Variants in MFSD1 observed in about 807,000 individuals in gnomAD.
MFSD1 encodes lysosomal dipeptide transporter MFSD1.
Under a neutral mutation model 67.1 loss-of-function variants are expected in MFSD1, and 59 were observed. The observed-to-expected ratio is 0.88, with a 90% CI of 0.71 to 1.09. The LOEUF (loss-of-function observed/expected upper bound fraction) is 1.09. MFSD1 is among the 50% of genes least tolerant of loss of function. MFSD1 has a pLI of 0.00. For missense variants in MFSD1, 552 were observed against 566.1 expected (o/e 0.97, Z 0.25); for synonymous variants, 213 against 200.3 (o/e 1.06, Z -0.54).
At position 158,821,635 on chromosome 3, in the gene MFSD1, C is replaced by A. The variant is rs1243284462; in HGVS notation, c.902C>A (p.Ala301Glu). ...FTEKFGFSSQ[A>E]ASAINSVVYV... ...GAGAAATTTGGATTTTCTTCCCAGG[C>A]AGCAAGTGCAATTAACAGGTATTTT... is the stretch of plus-strand genomic sequence containing the variant. Residue 301 changes from alanine (A) to glutamate (E), a missense_variant, in exon 10 of 16, where the codon GCA becomes GAA. Ala to Glu is a moderately radical substitution (Grantham distance 107, BLOSUM62 -1). Transcript: ENST00000415822. 1.9e-6 allele frequency: 3 copies of A among 1,609,614 alleles called. No individual in the cohort carries two copies. Among genetic ancestry groups the A allele is most frequent in the East Asian group, 4.5e-5 (2 of 44,782 alleles).
At position 158,815,581 on chromosome 3, in the gene MFSD1, A is replaced by G. The variant is rs1730281758; in HGVS notation, c.652+1514A>G. ...GAAAAGGTACCATAATTACCAAAATACAGATATTATTTATATCATTTTCTG... is the reference window on the plus strand; with the variant it reads ...GAAAAGGTACCATAATTACCAAAATGCAGATATTATTTATATCATTTTCTG... On this transcript the variant is annotated intron_variant, in intron 7 of 15. Transcript: ENST00000415822. Among the ~76,000 whole-genome samples, 16 of 151,936 alleles carry G rather than the reference A, an allele frequency of 1.1e-4. 1 individual carries two copies. Among genetic ancestry groups the G allele is most frequent in the Admixed American group, 1.0e-3 (16 of 15,250 alleles).
chr3:158,827,037 A>G (rs1212103810), intron 14 of MFSD1, among the ~76,000 whole-genome samples: 2 of 152,232 alleles, frequency 1.3e-5, no homozygotes, highest in Admixed American at 1.3e-4. Flanking sequence ...GAAGCAATAC[A>G]TAAGTCCAAA....
intron 2 of MFSD1, 110 bp from the exon 3 acceptor site, chr3:158,805,252 T>C: frequency 1.1e-6 from 1 of 895,530 alleles, no homozygotes; most frequent in Non-Finnish European, 1.9e-6. Flanking sequence ...ACTTGCCCTT[T>C]ACAGAAAGAA....
At chr3:158,827,928 G>GAT in intron 15 of MFSD1, among the ~76,000 whole-genome samples, 1 of 79,302 alleles carries the variant, frequency 1.3e-5, no homozygotes, top group African/African-American at 7.5e-5. Context: ...GAGAGAGAGA[G>GAT]AGAGAGAGAG....
intron 7 of MFSD1, among the ~76,000 whole-genome samples, chr3:158,814,795 T>C (rs893791666): frequency 2.0e-5 from 3 of 152,108 alleles, no homozygotes; most frequent in Non-Finnish European, 4.4e-5. Context: ...ATTAAAAGTT[T>C]ATAGCAGCCG....
intron 6 of MFSD1, among the ~76,000 whole-genome samples, chr3:158,813,327 T>C (rs543624187): frequency 3.7e-4 from 57 of 152,190 alleles, no homozygotes; most frequent in African/African-American, 1.2e-3. Context: ...TTTGTATTTT[T>C]AGTAGAGACA....
At chr3:158,819,613 A>G in intron 7 of MFSD1, 36 bp from the exon 8 acceptor site, 2 of 1,240,008 alleles carry the variant, frequency 1.6e-6, no homozygotes, top group Non-Finnish European at 2.2e-6. Flanking sequence ...TTCTCTTTTC[A>G]AAGTCTGTTT....
At position 158,813,136 on chromosome 3, in the gene MFSD1, AT is replaced by A. The variant is rs528582959; in HGVS notation, c.550-824del. On this transcript the variant is annotated intron_variant, in intron 6 of 15. Transcript: ENST00000415822. Reference sequence around the variant, plus strand: ...TTTTTTTAACCAAAGTAAGTTGGATATTTTTATGCTTTCTTCTTTTTTTTTT... The same window carrying A: ...TTTTTTTAACCAAAGTAAGTTGGATATTTTATGCTTTCTTCTTTTTTTTTT... Among the ~76,000 whole-genome samples the A allele has an allele frequency of 1.4e-3, 203 of 144,586 alleles. 1 individual carries two copies. Among genetic ancestry groups the A allele is most frequent in the African/African-American group, 5.1e-3 (199 of 39,064 alleles). 94.9% of individuals were successfully genotyped at this position (144,586 alleles called of 152,430 possible).
chr3:158,803,351 CT>C (rs35288273), intron 1 of MFSD1, among the ~76,000 whole-genome samples: 1 of 152,012 alleles, frequency 6.6e-6, no homozygotes, highest in South Asian at 2.1e-4. Context: ...CTTGCAACTC[CT>C]TTTTCCCCCC....
intron 2 of MFSD1, among the ~76,000 whole-genome samples, chr3:158,804,927 T>C (rs2108203269): frequency 6.6e-6 from 1 of 152,282 alleles, no homozygotes; most frequent in African/African-American, 2.4e-5. Context: ...CTTTTCATTC[T>C]AGAATGAAAG....
chr3:158,827,224 A>G (rs1576918361), intron 14 of MFSD1, 56 bp from the exon 15 acceptor site: 1 of 1,140,034 alleles, frequency 8.8e-7, no homozygotes, highest in East Asian at 2.5e-5. Flanking sequence ...GTATGGTTGA[A>G]ATTTACTTAC....
At chr3:158,803,791 C>A (rs2108201529) in intron 1 of MFSD1, among the ~76,000 whole-genome samples, 1 of 152,214 alleles carries the variant, frequency 6.6e-6, no homozygotes, top group African/African-American at 2.4e-5. Context: ...TTAGAATTCT[C>A]AGTTTCATTT....
chr3:158,807,353 A>G (rs1229900130), intron 4 of MFSD1, 43 bp from the exon 5 acceptor site: 3 of 1,486,310 alleles, frequency 2.0e-6, no homozygotes, highest in Non-Finnish European at 2.8e-6. Flanking sequence ...TAATACTTTG[A>G]ATTTACTTTT....
At position 158,829,219 on chromosome 3, in the gene MFSD1, T is replaced by C. The variant is rs1731186703; in HGVS notation, c.*237T>C. On this transcript the variant is annotated 3_prime_UTR_variant, in exon 16 of 16. Coordinates refer to ENST00000415822, the MANE Select transcript of MFSD1 (RefSeq NM_022736.4). The stretch of plus-strand genomic sequence containing the variant: ...GTAGGCTAATCAACAATGAAAGGGT[T>C]AGAAAATTGCTGTGGAACATCCAGG... The C allele has an allele frequency of 5.9e-6, 2 of 341,570 alleles. No homozygotes were observed. Among genetic ancestry groups the C allele is most frequent in the Admixed American group, 4.8e-5 (1 of 20,776 alleles). 21.2% of individuals were successfully genotyped at this position (341,570 alleles called of 1,614,324 possible).
At chr3:158,809,114 A>G in intron 5 of MFSD1, 65 bp from the exon 6 acceptor site, 1 of 1,244,434 alleles carries the variant, frequency 8.0e-7, no homozygotes, top group Non-Finnish European at 1.1e-6. Flanking sequence ...AACCTGCTGC[A>G]TTGCTAACTG....
chr3:158,824,324 C>T, intron 13 of MFSD1, 88 bp downstream of exon 13: 1 of 913,008 alleles, frequency 1.1e-6, no homozygotes, highest in East Asian at 2.4e-5. Flanking sequence ...CCAGATTTGC[C>T]TAATTCTCAC....
rs765826444 is a variant in MFSD1, at chr3:158,829,079, T to C, written c.*97T>C. ...TTTAGAGTTTAGTCATTAGAAAAAA[T>C]AATGGACTGGAAAGTTATATTTATA... is the stretch of plus-strand genomic sequence containing the variant. On this transcript the variant is annotated 3_prime_UTR_variant, in exon 16 of 16. Transcript: ENST00000415822. 3.7e-5 allele frequency: 44 copies of C among 1,187,424 alleles called. No individual in the cohort carries two copies. The highest frequency in any genetic ancestry group is 4.3e-5 in the Non-Finnish European group (36 of 835,920). 73.6% of individuals were successfully genotyped at this position (1,187,424 alleles called of 1,614,324 possible).
intron 2 of MFSD1, 68 bp from the exon 3 acceptor site, chr3:158,805,294 T>C (rs1448458570): frequency 8.3e-7 from 1 of 1,211,414 alleles, no homozygotes; most frequent in South Asian, 1.2e-5. Context: ...TAGATTGTCA[T>C]ATTTTGATTT....
intron 1 of MFSD1, chr3:158,802,540 G>A (rs773367647): frequency 1.4e-6 from 1 of 709,376 alleles, no homozygotes; most frequent in Admixed American, 2.0e-5. Context: ...TGAGCTGGGC[G>A]AGTTTTGTGG....
Sources: gnomAD v4.1 joint callset for allele counts (sites outside exome capture counted in the v4.1 genomes callset) on GRCh38, gnomAD v4.1.1 for gene constraint, MANE v1.5 for transcripts, NCBI Gene and HGNC (gene_info 2026-07-23, HGNC 2026-07-21) for gene names.